ITGB6: variants seen among roughly 807,000 people sequenced by gnomAD.
The protein encoded by ITGB6 is integrin subunit beta 6.
Under a neutral mutation model 84.5 loss-of-function variants are expected in ITGB6, and 80 were observed. That is an observed-to-expected ratio of 0.95 (90% CI 0.79 to 1.14). The LOEUF (loss-of-function observed/expected upper bound fraction) is 1.14. Among genes scored for constraint, ITGB6 ranks in the 50% most tolerant of loss-of-function variants. ITGB6 has a pLI of 0.00. For synonymous variants in ITGB6, 383 were observed against 354.9 expected (o/e 1.08, Z -0.89); for missense variants, 1,006 against 968.0 (o/e 1.04, Z -0.52).
At chr2:160,139,706 C>T (rs1174896085) in intron 8 of ITGB6, among the ~76,000 whole-genome samples, 1 of 152,174 alleles carries the variant, frequency 6.6e-6, no homozygotes, top group Non-Finnish European at 1.5e-5. Context: ...AGGACATAAA[C>T]ACTTATTTGT....
chr2:160,171,275 T>A (rs933374198), intron 6 of ITGB6, among the ~76,000 whole-genome samples: 5 of 151,794 alleles, frequency 3.3e-5, no homozygotes, highest in Admixed American at 6.6e-5. Context: ...TTTCCCCAAG[T>A]GTTAAATGGG....
chr2:160,105,051 C>A (rs1386317316), intron 14 of ITGB6, among the ~76,000 whole-genome samples: 1 of 152,080 alleles, frequency 6.6e-6, no homozygotes, highest in African/African-American at 2.4e-5. Context: ...AATTGAAGAC[C>A]CCTAAATGTG....
At chr2:160,103,318 C>T (rs1696793961) in intron 14 of ITGB6, among the ~76,000 whole-genome samples, 1 of 152,322 alleles carries the variant, frequency 6.6e-6, no homozygotes, top group South Asian at 2.1e-4. Flanking sequence ...GGGAATCACA[C>T]CTGCACCCAT....
chr2:160,124,475 A>T (rs1167072672), intron 11 of ITGB6, among the ~76,000 whole-genome samples: 1 of 152,264 alleles, frequency 6.6e-6, no homozygotes, highest in African/African-American at 2.4e-5. Flanking sequence ...ACAGGCTTTT[A>T]AATAAAAGAT....
intron 7 of ITGB6, among the ~76,000 whole-genome samples, chr2:160,146,036 A>G (rs1684173770): frequency 6.6e-6 from 1 of 151,926 alleles, no homozygotes; most frequent in African/African-American, 2.4e-5. Context: ...TGACATTTCT[A>G]CTATAGTCTC....
intron 3 of ITGB6, among the ~76,000 whole-genome samples, chr2:160,195,942 C>T (rs1686316450): frequency 6.6e-6 from 1 of 152,198 alleles, no homozygotes; most frequent in Admixed American, 6.5e-5. Context: ...ATCTACATTA[C>T]AACCCTTGAA....
At chr2:160,176,162 C>T (rs1269721620) in intron 4 of ITGB6, among the ~76,000 whole-genome samples, 1 of 152,192 alleles carries the variant, frequency 6.6e-6, no homozygotes, top group Admixed American at 6.5e-5. Context: ...CCAAGACGAC[C>T]ACCCCAGAAT....
chr2:160,152,686 T>C (rs1161875101), intron 7 of ITGB6, among the ~76,000 whole-genome samples: 1 of 152,182 alleles, frequency 6.6e-6, no homozygotes, highest in Non-Finnish European at 1.5e-5. Context: ...CATGATTGTA[T>C]ATCTAGAAAA....
At chr2:160,137,018 T>A (rs1683761183) in intron 10 of ITGB6, among the ~76,000 whole-genome samples, 3 of 150,904 alleles carry the variant, frequency 2.0e-5, no homozygotes. Flanking sequence ...AACCTGCACA[T>A]TGTGCACATG....
At chr2:160,194,031 C>T (rs951343851) in intron 4 of ITGB6, among the ~76,000 whole-genome samples, 1 of 152,086 alleles carries the variant, frequency 6.6e-6, no homozygotes, top group East Asian at 1.9e-4. Flanking sequence ...GTGGCAGGTG[C>T]CTGTAATCTC....
intron 2 of ITGB6, 130 bp downstream of exon 2, chr2:160,199,049 C>A: frequency 1.5e-6 from 1 of 666,184 alleles, no homozygotes; most frequent in Non-Finnish European, 2.7e-6. Flanking sequence ...CTCACCTTCT[C>A]CTTTCCTGAT....
rs551085820 is a variant in ITGB6, at chr2:160,182,029, T to C, written c.594-7890A>G. Among the ~76,000 whole-genome samples, 9 of 152,162 alleles carry C rather than the reference T, an allele frequency of 5.9e-5. No individual in the cohort carries two copies. The South Asian group carries it at 1.9e-3, about 32-fold the overall frequency. ...CCAAAGGTAGATAAATCCACGAAGA[T>C]GAGGAAAAACTAATGCAAAAAGACT... On this transcript the variant is annotated intron_variant, in intron 4 of 14. Coordinates refer to ENST00000283249, the MANE Select transcript of ITGB6 (RefSeq NM_000888.5).
At chr2:160,186,661 C>T (rs925136679) in intron 4 of ITGB6, among the ~76,000 whole-genome samples, 1 of 152,160 alleles carries the variant, frequency 6.6e-6, no homozygotes, top group Non-Finnish European at 1.5e-5. Flanking sequence ...AAGACACATG[C>T]ACATGTATGT....
intron 12 of ITGB6, among the ~76,000 whole-genome samples, chr2:160,122,713 A>C (rs1683091736): frequency 6.6e-6 from 1 of 152,260 alleles, no homozygotes; most frequent in Non-Finnish European, 1.5e-5. Flanking sequence ...TTATGAGCAC[A>C]TATCATGACC....
At chr2:160,109,571 G>A (rs1486259056) in intron 13 of ITGB6, among the ~76,000 whole-genome samples, 1 of 152,226 alleles carries the variant, frequency 6.6e-6, no homozygotes, top group Non-Finnish European at 1.5e-5. Flanking sequence ...CTCAGGAATT[G>A]TACATTTCTC....
At position 160,195,437 on chromosome 2, in the gene ITGB6, T is replaced by G. The variant is rs1383444057; in HGVS notation, c.525A>C (p.Gly175=). Residue 175 remains glycine, a synonymous_variant, in exon 4 of 15, where the codon GGA becomes GGC. Coordinates refer to ENST00000283249, the MANE Select transcript of ITGB6 (RefSeq NM_000888.5). ...KLTSNFRLGF[G]SFVEKPVSPF... is the part of the protein sequence containing the mutation. ...GGGATACAGGTTTTTCCACAAAAGA[T>G]CCGAAGCCCAGTCTAAAGTTGCTGG... The G allele has an allele frequency of 6.2e-7, 1 of 1,614,204 alleles. No homozygotes were observed. The highest frequency in any genetic ancestry group is 8.5e-7 in the Non-Finnish European group (1 of 1,180,012).
At chr2:160,127,190 T>G (rs1461050469) in intron 10 of ITGB6, among the ~76,000 whole-genome samples, 1 of 152,220 alleles carries the variant, frequency 6.6e-6, no homozygotes, top group Non-Finnish European at 1.5e-5. Flanking sequence ...GGGGAATATC[T>G]ACATTCTGCA....
chr2:160,130,413 A>C (rs1443073534), intron 10 of ITGB6, among the ~76,000 whole-genome samples: 1 of 152,106 alleles, frequency 6.6e-6, no homozygotes, highest in Non-Finnish European at 1.5e-5. Flanking sequence ...TTATGTCGGG[A>C]TAAACTCATT....
intron 7 of ITGB6, among the ~76,000 whole-genome samples, chr2:160,152,687 A>G (rs1684475547): frequency 6.6e-6 from 1 of 152,220 alleles, no homozygotes; most frequent in African/African-American, 2.4e-5. Flanking sequence ...ATGATTGTAT[A>G]TCTAGAAAAC....
Sources: allele counts gnomAD v4.1 joint callset (sites outside exome capture counted in the v4.1 genomes callset), GRCh38; gene constraint gnomAD v4.1.1; transcripts MANE v1.5; gene names NCBI Gene and HGNC (gene_info 2026-07-23, HGNC 2026-07-21).